GIPC2: variants seen among roughly 807,000 people sequenced by gnomAD.
The protein encoded by GIPC2 is GIPC PDZ domain containing family member 2, also known as PDZ domain-containing protein GIPC2.
In GIPC2, 30 loss-of-function variants were observed where a neutral mutation model predicts 30.6. The ratio of observed to expected loss-of-function variants is 0.98; its 90% CI spans 0.73 to 1.33. The LOEUF (loss-of-function observed/expected upper bound fraction) is 1.33. Among genes scored for constraint, GIPC2 ranks in the 40% most tolerant of loss-of-function variants. GIPC2 has a pLI of 0.00. For missense variants in GIPC2, 414 were observed against 390.3 expected (o/e 1.06, Z -0.51); for synonymous variants, 167 against 150.0 (o/e 1.11, Z -0.83).
intron 5 of GIPC2, among the ~76,000 whole-genome samples, chr1:78,134,352 GTGTGTGTGTGTATGTA>G (rs1352346759): frequency 4.0e-5 from 6 of 151,880 alleles, no homozygotes; most frequent in South Asian, 2.1e-4. Context: ...GTATGTGTGT[GTGTGTGTGTGTATGTA>G]TGTGTGTGTG....
intron 1 of GIPC2, among the ~76,000 whole-genome samples, chr1:78,079,763 C>A (rs1184410237): frequency 6.6e-6 from 1 of 152,054 alleles, no homozygotes; most frequent in Non-Finnish European, 1.5e-5. Flanking sequence ...TAATTTGGGC[C>A]CCACAAGTTA....
intron 3 of GIPC2, among the ~76,000 whole-genome samples, chr1:78,110,743 A>G (rs2100411053): frequency 6.6e-6 from 1 of 152,244 alleles, no homozygotes; most frequent in East Asian, 1.9e-4. Context: ...CCCTTTACCC[A>G]TCTAGCCTTG....
intron 3 of GIPC2, among the ~76,000 whole-genome samples, chr1:78,118,954 C>T (rs562336105): frequency 1.3e-5 from 2 of 152,040 alleles, no homozygotes; most frequent in African/African-American, 4.8e-5. Flanking sequence ...TCTTGTCCCT[C>T]TCTTCTCTCT....
intron 1 of GIPC2, among the ~76,000 whole-genome samples, chr1:78,074,330 G>C (rs1292316074): frequency 6.6e-6 from 1 of 152,166 alleles, no homozygotes; most frequent in African/African-American, 2.4e-5. Flanking sequence ...TTGGGTTCAA[G>C]CAATATTCCT....
intron 3 of GIPC2, 67 bp from the exon 4 acceptor site, chr1:78,119,326 G>A (rs1283126457): frequency 3.6e-6 from 3 of 843,904 alleles, no homozygotes; most frequent in South Asian, 1.5e-5. Flanking sequence ...AACTACATTA[G>A]CCTTCACAGT....
At chr1:78,052,037 G>A (rs752984302) in intron 1 of GIPC2, among the ~76,000 whole-genome samples, 2 of 152,112 alleles carry the variant, frequency 1.3e-5, no homozygotes, top group Non-Finnish European at 2.9e-5. Context: ...GATGGGCTAC[G>A]GGCTCTGTTA....
chr1:78,131,435 C>T (rs939992343), intron 5 of GIPC2, among the ~76,000 whole-genome samples: 16 of 152,056 alleles, frequency 1.1e-4, no homozygotes, highest in African/African-American at 3.1e-4. Flanking sequence ...GTCTCGATCT[C>T]CTGATCTCGT....
At chr1:78,108,570 T>C (rs953277404) in intron 3 of GIPC2, among the ~76,000 whole-genome samples, 1 of 152,188 alleles carries the variant, frequency 6.6e-6, no homozygotes, top group Non-Finnish European at 1.5e-5. Context: ...TCCTTTTCCT[T>C]GCCTTTGGTC....
chr1:78,098,113 A>G (rs1048106881), intron 3 of GIPC2, among the ~76,000 whole-genome samples: 3 of 152,210 alleles, frequency 2.0e-5, no homozygotes, highest in African/African-American at 7.2e-5. Context: ...ATCTGACTGT[A>G]GCCATGTATG....
chr1:78,117,893 G>A (rs1662598003), intron 3 of GIPC2, among the ~76,000 whole-genome samples: 1 of 152,110 alleles, frequency 6.6e-6, no homozygotes, highest in African/African-American at 2.4e-5. Flanking sequence ...ATCCGGAGAT[G>A]CACACAAAAC....
At chr1:78,079,534 G>A (rs1416825013) in intron 1 of GIPC2, among the ~76,000 whole-genome samples, 1 of 152,214 alleles carries the variant, frequency 6.6e-6, no homozygotes, top group African/African-American at 2.4e-5. Flanking sequence ...CTGGGAGAGG[G>A]TTGAGAGTGA....
At chr1:78,098,972 G>A (rs1662191377) in intron 3 of GIPC2, among the ~76,000 whole-genome samples, 1 of 152,222 alleles carries the variant, frequency 6.6e-6, no homozygotes, top group South Asian at 2.1e-4. Context: ...ATGGTACTTT[G>A]TTATGGCAGC....
intron 2 of GIPC2, chr1:78,092,090 G>C (rs570301328): frequency 1.5e-6 from 2 of 1,342,344 alleles, no homozygotes; most frequent in African/African-American, 1.4e-5. Context: ...CTTTGTGTCT[G>C]TGGGTGGCCT....
chr1:78,071,746 GC>G (rs1323637530), intron 1 of GIPC2, among the ~76,000 whole-genome samples: 4 of 152,038 alleles, frequency 2.6e-5, no homozygotes, highest in Non-Finnish European at 5.9e-5. Flanking sequence ...TAAATTCAAA[GC>G]TGTGTTTATA....
At chr1:78,116,970 C>T (rs1184418694) in intron 3 of GIPC2, among the ~76,000 whole-genome samples, 1 of 151,862 alleles carries the variant, frequency 6.6e-6, no homozygotes. Context: ...ACAGTCCCAC[C>T]AACAGTGTAA....
chr1:78,076,940 T>C (rs369939782), intron 1 of GIPC2, among the ~76,000 whole-genome samples: 3 of 151,962 alleles, frequency 2.0e-5, no homozygotes, highest in African/African-American at 7.3e-5. Flanking sequence ...GGCTATTTTT[T>C]TTTTTTATTT....
At chr1:78,065,083 C>T (rs1349566393) in intron 1 of GIPC2, among the ~76,000 whole-genome samples, 1 of 152,102 alleles carries the variant, frequency 6.6e-6, no homozygotes, top group Non-Finnish European at 1.5e-5. Flanking sequence ...ATGTGATCTT[C>T]TCGCCTCAGC....
intron 3 of GIPC2, among the ~76,000 whole-genome samples, chr1:78,115,093 A>G (rs528570125): frequency 2.0e-5 from 3 of 152,356 alleles, no homozygotes; most frequent in South Asian, 2.1e-4. Flanking sequence ...CTTCTTGGGC[A>G]GGGATGATAC....
intron 3 of GIPC2, among the ~76,000 whole-genome samples, chr1:78,108,405 T>C (rs1381391341): frequency 6.6e-6 from 1 of 152,200 alleles, no homozygotes; most frequent in Non-Finnish European, 1.5e-5. Context: ...GGCACAGTTA[T>C]TGCACTTCTG....
Sources: allele counts gnomAD v4.1 joint callset (sites outside exome capture counted in the v4.1 genomes callset), GRCh38; gene constraint gnomAD v4.1.1; transcripts MANE v1.5; gene names NCBI Gene and HGNC (gene_info 2026-07-23, HGNC 2026-07-21).